Variants in ST7L observed in about 807,000 individuals in gnomAD.
ST7L encodes suppressor of tumorigenicity 7 protein-like.
In ST7L, 57 loss-of-function variants were observed where a neutral mutation model predicts 72.5. The ratio of observed to expected loss-of-function variants is 0.79; its 90% CI spans 0.64 to 0.98. ST7L has a LOEUF of 0.98. ST7L is among the 50% of genes least tolerant of loss of function. The pLI, the probability that ST7L is intolerant of heterozygous loss-of-function variation, is 0.00. For missense variants in ST7L, 576 were observed against 672.2 expected (o/e 0.86, Z 1.58); for synonymous variants, 221 against 240.9 (o/e 0.92, Z 0.77).
chr1:112,579,701 G>A (rs1410533030), intron 9 of ST7L, among the ~76,000 whole-genome samples: 1 of 152,024 alleles, frequency 6.6e-6, no homozygotes, highest in Non-Finnish European at 1.5e-5. Flanking sequence ...AGATGTTTCT[G>A]ATCCCAGAAT....
chr1:112,617,715 T>TCACA (rs761146961), intron 1 of ST7L, among the ~76,000 whole-genome samples: 3,115 of 122,972 alleles, frequency 0.025, 49 homozygotes, highest in South Asian at 0.038. Flanking sequence ...TCTTTCTCTC[T>TCACA]CTCACACACA....
At chr1:112,557,948 A>T (rs1659471122) in intron 11 of ST7L, among the ~76,000 whole-genome samples, 1 of 152,202 alleles carries the variant, frequency 6.6e-6, no homozygotes, top group African/African-American at 2.4e-5. Flanking sequence ...TTTATAACAA[A>T]AGCAGTGTAA....
At chr1:112,540,739 G>C in intron 14 of ST7L, 7 of 1,245,210 alleles carry the variant, frequency 5.6e-6, no homozygotes, top group Non-Finnish European at 7.2e-6. Context: ...AAACAAGTTA[G>C]AATGGAGGCA....
At chr1:112,606,170 T>C (rs1311706438) in intron 3 of ST7L, among the ~76,000 whole-genome samples, 1 of 152,206 alleles carries the variant, frequency 6.6e-6, no homozygotes, top group Non-Finnish European at 1.5e-5. Flanking sequence ...ATCCCTACTA[T>C]TGTCTTCAGA....
intron 14 of ST7L, chr1:112,528,283 T>G (rs1653788916): frequency 6.6e-6 from 1 of 152,172 alleles, no homozygotes; most frequent in Non-Finnish European, 1.5e-5. Flanking sequence ...ATAAGGAATT[T>G]CAAGCAAGTA....
upstream of ST7L, chr1:112,619,149 G>T: frequency 1.9e-6 from 3 of 1,600,940 alleles, no homozygotes; most frequent in Middle Eastern, 1.7e-4. Flanking sequence ...GCTGGGAGGG[G>T]AGAAGGACAG....
chr1:112,519,886 T>G (rs1440286703), downstream of ST7L, among the ~76,000 whole-genome samples: 1 of 149,550 alleles, frequency 6.7e-6, no homozygotes, highest in African/African-American at 2.5e-5. Context: ...TTTTTTTTTT[T>G]TTTTTTGGAG....
chr1:112,619,415 C>G (rs3790597), upstream of ST7L: 5 of 536,046 alleles, frequency 9.3e-6, no homozygotes, highest in South Asian at 5.5e-5. Flanking sequence ...CCGCCCCCCC[C>G]CCGGGGTTGG....
intron 9 of ST7L, among the ~76,000 whole-genome samples, chr1:112,579,445 A>G (rs1322181998): frequency 6.6e-6 from 1 of 151,422 alleles, no homozygotes; most frequent in Non-Finnish European, 1.5e-5. Context: ...GGGAAAAGGC[A>G]TGGTATAATT....
chr1:112,568,880 AT>A (rs1557993876), intron 11 of ST7L, among the ~76,000 whole-genome samples: 5 of 140,842 alleles, frequency 3.6e-5, no homozygotes, highest in Middle Eastern at 3.6e-3. Context: ...ATATATATAT[AT>A]ATATATAAAA....
At chr1:112,594,023 T>C (rs1476330230) in intron 5 of ST7L, among the ~76,000 whole-genome samples, 4 of 152,052 alleles carry the variant, frequency 2.6e-5, no homozygotes, top group African/African-American at 4.8e-5. Context: ...GAGAAGTACA[T>C]AAAACTTTGC....
At chr1:112,574,788 G>A (rs1438885897) in intron 11 of ST7L, among the ~76,000 whole-genome samples, 1 of 152,134 alleles carries the variant, frequency 6.6e-6, no homozygotes, top group Non-Finnish European at 1.5e-5. Context: ...AGGAAGGGAG[G>A]TTGTAATGGG....
intron 11 of ST7L, among the ~76,000 whole-genome samples, chr1:112,572,145 A>T (rs1557999578): frequency 6.6e-6 from 1 of 152,242 alleles, no homozygotes; most frequent in East Asian, 1.9e-4. Context: ...AGGTCTCAAC[A>T]GTGGGCCTAA....
At chr1:112,552,816 T>C (rs1168371764) in intron 12 of ST7L, among the ~76,000 whole-genome samples, 2 of 151,982 alleles carry the variant, frequency 1.3e-5, no homozygotes, top group Non-Finnish European at 2.9e-5. Context: ...GTATAAATCA[T>C]AGGTGGTTGG....
At chr1:112,568,420 T>C (rs1024647150) in intron 11 of ST7L, among the ~76,000 whole-genome samples, 1 of 147,646 alleles carries the variant, frequency 6.8e-6, no homozygotes, top group Non-Finnish European at 1.5e-5. Context: ...CACTGCAAGC[T>C]CTGCCTCCCA....
chr1:112,610,645 A>C (rs1668932921), intron 3 of ST7L, 196 bp downstream of exon 3: 1 of 579,522 alleles, frequency 1.7e-6, no homozygotes, highest in Non-Finnish European at 2.9e-6. Context: ...CATTCATCAC[A>C]TCCCTGAGGG....
chr1:112,550,836 TAATA>T (rs1657999170), intron 12 of ST7L, 143 bp from the exon 13 acceptor site: 1 of 614,330 alleles, frequency 1.6e-6, no homozygotes, highest in Admixed American at 2.9e-5. Context: ...GTAAGCAAAA[TAATA>T]AATAAGGGGA....
At position 112,603,357 on chromosome 1, in the gene ST7L, A is replaced by G. The variant is rs1340926883; in HGVS notation, c.452-2509T>C. Among the ~76,000 whole-genome samples, 4 of 152,374 alleles carry G rather than the reference A, an allele frequency of 2.6e-5. No homozygotes were observed. In the East Asian group the frequency reaches 7.7e-4, roughly 29 times the overall value. ...ATTCAAAATGTTAAGATATACCAATAGATTTTCACATAACAGAGCATGCAA... is the reference window on the plus strand; with the variant it reads ...ATTCAAAATGTTAAGATATACCAATGGATTTTCACATAACAGAGCATGCAA... On this transcript the variant is annotated intron_variant, in intron 3 of 14. Coordinates refer to ENST00000358039, the MANE Select transcript of ST7L (RefSeq NM_017744.5).
At chr1:112,617,817 T>C (rs1231642475) in intron 1 of ST7L, among the ~76,000 whole-genome samples, 1 of 151,572 alleles carries the variant, frequency 6.6e-6, no homozygotes, top group Non-Finnish European at 1.5e-5. Flanking sequence ...TTGCATATGG[T>C]TAACGTAGAA....
Sources: allele counts gnomAD v4.1 joint callset (sites outside exome capture counted in the v4.1 genomes callset), GRCh38; gene constraint gnomAD v4.1.1; transcripts MANE v1.5; gene names NCBI Gene and HGNC (gene_info 2026-07-23, HGNC 2026-07-21).